Variants in PTPRM observed in about 807,000 individuals in gnomAD.
PTPRM encodes receptor-type tyrosine-protein phosphatase mu.
PTPRM carries 47 observed loss-of-function variants against 186.7 expected under a neutral mutation model. That is an observed-to-expected ratio of 0.25 (90% confidence interval 0.20 to 0.32). The LOEUF is 0.32. Ranked by LOEUF, PTPRM falls within the 10% of genes least tolerant of loss-of-function variation. PTPRM has a pLI of 1.00. For missense variants in PTPRM, 1,494 were observed against 1,865.0 expected (o/e 0.80, Z 3.66); for synonymous variants, 668 against 674.9 (o/e 0.99, Z 0.16).
chr18:7,585,578 T>C (rs940599256), intron 1 of PTPRM, among the ~76,000 whole-genome samples: 3 of 152,228 alleles, frequency 2.0e-5, no homozygotes, highest in African/African-American at 7.2e-5. Flanking sequence ...GCTACTGTTC[T>C]ATTCCCATGC....
At chr18:7,980,841 A>C (rs1386617723) in intron 7 of PTPRM, among the ~76,000 whole-genome samples, 1 of 152,056 alleles carries the variant, frequency 6.6e-6, no homozygotes, top group African/African-American at 2.4e-5. Flanking sequence ...CTACATGCTG[A>C]GATTTCATGT....
At chr18:8,290,750 G>A (rs1407416009) in intron 19 of PTPRM, among the ~76,000 whole-genome samples, 2 of 152,054 alleles carry the variant, frequency 1.3e-5, no homozygotes, top group Non-Finnish European at 2.9e-5. Context: ...CTGCCTCTTC[G>A]CAGTATATAT....
rs2092817661 is a variant in PTPRM at position 8,143,785 on chromosome 18, C to T, written c.2300+6C>T. The T allele has an allele frequency of 6.2e-7, 1 of 1,613,948 alleles. No homozygotes were observed. The highest frequency in any genetic ancestry group is 8.5e-7 in the Non-Finnish European group (1 of 1,179,838). On this transcript the variant is annotated splice_donor_region_variant and intron_variant, in intron 14 of 32. Coordinates refer to ENST00000580170, the MANE Select transcript of PTPRM (RefSeq NM_001105244.2). ...GTGTTGGTAATGAAGAAAAGGTGAG[C>T]TCCTAGCTGTTGCCAAAGATACAGT...
chr18:7,608,277 G>A (rs1296114084), intron 1 of PTPRM, among the ~76,000 whole-genome samples: 1 of 152,110 alleles, frequency 6.6e-6, no homozygotes, highest in Admixed American at 6.5e-5. Flanking sequence ...TTTTATTTGG[G>A]GCCAGCATGC....
At chr18:8,390,971 A>AATAAT (rs1568894174) in intron 31 of PTPRM, among the ~76,000 whole-genome samples, 32 of 117,364 alleles carry the variant, frequency 2.7e-4, no homozygotes, top group African/African-American at 1.0e-3. Context: ...ATAATAATAA[A>AATAAT]GATGTCCCGA....
At chr18:7,967,704 C>A (rs1187247805) in intron 7 of PTPRM, among the ~76,000 whole-genome samples, 2 of 134,482 alleles carry the variant, frequency 1.5e-5, no homozygotes, top group African/African-American at 6.0e-5. Flanking sequence ...GAAAGGGTAT[C>A]AGCAATGCAA....
At chr18:8,140,609 C>T (rs2092744264) in intron 13 of PTPRM, among the ~76,000 whole-genome samples, 2 of 151,884 alleles carry the variant, frequency 1.3e-5, no homozygotes, top group South Asian at 4.2e-4. Flanking sequence ...GAGGATTATG[C>T]TCTATGATTT....
intron 2 of PTPRM, among the ~76,000 whole-genome samples, chr18:7,786,163 A>G (rs2043088478): frequency 6.6e-6 from 1 of 152,196 alleles, no homozygotes; most frequent in Admixed American, 6.5e-5. Context: ...ATCTTAAAGC[A>G]ATATGTAAAA....
At chr18:7,730,893 C>G (rs1222945639) in intron 1 of PTPRM, among the ~76,000 whole-genome samples, 1 of 152,132 alleles carries the variant, frequency 6.6e-6, no homozygotes, top group Non-Finnish European at 1.5e-5. Flanking sequence ...ATCATAATTG[C>G]AGAGTGTCAC....
chr18:8,311,461 G>A (rs1568722274), intron 20 of PTPRM, among the ~76,000 whole-genome samples: 1 of 152,194 alleles, frequency 6.6e-6, no homozygotes, highest in Non-Finnish European at 1.5e-5. Flanking sequence ...CCACACATGG[G>A]ACTGCAGCCT....
chr18:8,186,452 G>T (rs2093643969), intron 14 of PTPRM, among the ~76,000 whole-genome samples: 1 of 152,132 alleles, frequency 6.6e-6, no homozygotes, highest in African/African-American at 2.4e-5. Context: ...TGTTAACCAG[G>T]ATATATTGAT....
chr18:7,788,774 G>A (rs1471602339), intron 2 of PTPRM, among the ~76,000 whole-genome samples: 1 of 152,172 alleles, frequency 6.6e-6, no homozygotes, highest in African/African-American at 2.4e-5. Context: ...AGTCCTAACA[G>A]AATTTGCTAA....
At chr18:7,723,582 AG>A (rs1248536798) in intron 1 of PTPRM, among the ~76,000 whole-genome samples, 2 of 152,122 alleles carry the variant, frequency 1.3e-5, no homozygotes, top group Non-Finnish European at 2.9e-5. Flanking sequence ...TCCATGTTCC[AG>A]GGTGAATTTT....
At chr18:7,578,556 C>T (rs4797299) in intron 1 of PTPRM, among the ~76,000 whole-genome samples, 21,834 of 151,656 alleles carry the variant, frequency 0.14, 2,755 homozygotes, top group East Asian at 0.41. Flanking sequence ...AGGATGGTCT[C>T]GATCTCCTGA....
intron 7 of PTPRM, among the ~76,000 whole-genome samples, chr18:8,028,210 C>T (rs1421613310): frequency 6.6e-6 from 1 of 152,206 alleles, no homozygotes; most frequent in African/African-American, 2.4e-5. Context: ...CCATGTTGGC[C>T]AGACTGGTCT....
intron 13 of PTPRM, among the ~76,000 whole-genome samples, chr18:8,135,153 ATTCAGAG>A (rs1452999935): frequency 6.6e-6 from 1 of 152,186 alleles, no homozygotes; most frequent in African/African-American, 2.4e-5. Context: ...TTCCTTTACA[ATTCAGAG>A]TGTCTTCCAA....
intron 23 of PTPRM, among the ~76,000 whole-genome samples, chr18:8,362,242 C>T (rs139725563): frequency 5.3e-5 from 8 of 152,314 alleles, no homozygotes; most frequent in Non-Finnish European, 8.8e-5. Context: ...TTAGTTCGCA[C>T]CTTGCACTTA....
At chr18:8,281,636 C>G (rs2147746947) in intron 19 of PTPRM, among the ~76,000 whole-genome samples, 1 of 152,224 alleles carries the variant, frequency 6.6e-6, no homozygotes, top group South Asian at 2.1e-4. Context: ...AGGAAAGTTT[C>G]AATAACCCTA....
In PTPRM at chr18:8,228,209, A is replaced by T. The variant is rs192552679; in HGVS notation, c.2301-15849A>T. Reference sequence around the variant, plus strand: ...AGGTCTTGCCACACTGTGTGTTCAGAGGAGCCCAGCTGAAGACACGGTGGA... The same window carrying T: ...AGGTCTTGCCACACTGTGTGTTCAGTGGAGCCCAGCTGAAGACACGGTGGA... On this transcript the variant is annotated intron_variant, in intron 14 of 32. Transcript: ENST00000580170. Among the ~76,000 whole-genome samples, 21 of 152,222 alleles carry T rather than the reference A, an allele frequency of 1.4e-4. 1 individual carries two copies. Among genetic ancestry groups the T allele is most frequent in the Admixed American group, 9.8e-4 (15 of 15,302 alleles).
Sources: allele counts gnomAD v4.1 joint callset (sites outside exome capture counted in the v4.1 genomes callset), GRCh38; gene constraint gnomAD v4.1.1; transcripts MANE v1.5; gene names NCBI Gene and HGNC (gene_info 2026-07-23, HGNC 2026-07-21).